Variants in DAPP1 observed in about 807,000 individuals in gnomAD.
DAPP1 encodes dual adaptor of phosphotyrosine and 3-phosphoinositides 1, also known as dual adapter for phosphotyrosine and 3-phosphotyrosine and 3-phosphoinositide.
Under a neutral mutation model 41.5 loss-of-function variants are expected in DAPP1, and 20 were observed. The ratio of observed to expected loss-of-function variants is 0.48; its 90% confidence interval spans 0.34 to 0.70. The LOEUF (loss-of-function observed/expected upper bound fraction) is 0.70, where lower values mean the gene tolerates loss of function less well. Among genes scored for constraint, DAPP1 ranks in the 30% least tolerant of loss-of-function variants. The pLI is 0.01. For missense variants in DAPP1, 233 were observed against 333.4 expected, an observed-to-expected ratio of 0.70 and a Z score of 2.35; for synonymous variants, 113 against 116.2, an observed-to-expected ratio of 0.97 and a Z score of 0.18.
intron 3 of DAPP1, among the ~76,000 whole-genome samples, chr4:99,847,354 T>C (rs529317733): frequency 1.2e-4 from 18 of 152,214 alleles, no homozygotes; most frequent in Non-Finnish European, 2.2e-4. Context: ...GAATACAAGA[T>C]AAAGGGTCCT....
chr4:99,857,721 C>T (rs1261281688), intron 4 of DAPP1, among the ~76,000 whole-genome samples: 2 of 150,322 alleles, frequency 1.3e-5, no homozygotes, highest in Non-Finnish European at 3.0e-5. Flanking sequence ...CACACACACA[C>T]ACACACACAC....
chr4:99,826,649 C>T (rs558833919), intron 1 of DAPP1, among the ~76,000 whole-genome samples: 19 of 152,326 alleles, frequency 1.2e-4, no homozygotes, highest in Admixed American at 6.5e-4. Flanking sequence ...AATTATTTTG[C>T]ACCACTTCCC....
At chr4:99,847,259 G>C (rs1291450380) in intron 3 of DAPP1, among the ~76,000 whole-genome samples, 2 of 152,100 alleles carry the variant, frequency 1.3e-5, no homozygotes, top group Admixed American at 1.3e-4. Context: ...GGAGTTTTGT[G>C]TACCCTGTGC....
At chr4:99,826,196 C>T (rs943470528) in intron 1 of DAPP1, among the ~76,000 whole-genome samples, 20 of 152,196 alleles carry the variant, frequency 1.3e-4, no homozygotes, top group Non-Finnish European at 2.5e-4. Context: ...CATCAATTAG[C>T]TGTGCCATGT....
rs756338842 is a variant in DAPP1 at position 99,844,091 on chromosome 4, C to A, written c.358+3669C>A. The A allele has an allele frequency of 7.7e-4, 118 of 152,298 alleles. 1 individual carries two copies. Among genetic ancestry groups the A allele is most frequent in the Non-Finnish European group, 1.0e-3 (68 of 68,038 alleles). The allele number at this position is 152,298 out of a possible 1,614,324, so 9.4% of individuals were successfully genotyped here. Reference sequence around the variant, plus strand: ...CCTTAGTTCAGCTAAAGATCGGGTCCCTCTCCATCCCACGGCCACAAAAAT... The same window carrying A: ...CCTTAGTTCAGCTAAAGATCGGGTCACTCTCCATCCCACGGCCACAAAAAT... On this transcript the variant is annotated intron_variant, in intron 3 of 8. Coordinates refer to ENST00000512369, the MANE Select transcript of DAPP1 (RefSeq NM_014395.3).
chr4:99,820,713 C>T (rs866290285), intron 1 of DAPP1, among the ~76,000 whole-genome samples: 3 of 152,136 alleles, frequency 2.0e-5, no homozygotes, highest in Admixed American at 1.3e-4. Context: ...ATGTTTTAGG[C>T]TTTGCAGGCC....
At chr4:99,855,706 G>T (rs1302754786) in intron 4 of DAPP1, among the ~76,000 whole-genome samples, 3 of 152,228 alleles carry the variant, frequency 2.0e-5, no homozygotes, top group African/African-American at 7.2e-5. Context: ...CAGTATAGCT[G>T]CTGGGGAAAG....
intron 4 of DAPP1, among the ~76,000 whole-genome samples, chr4:99,854,164 C>T (rs1175280587): frequency 6.6e-6 from 1 of 152,096 alleles, no homozygotes; most frequent in East Asian, 1.9e-4. Flanking sequence ...AATTTCAGTG[C>T]AATTGGAGCA....
At chr4:99,831,359 T>G (rs1723113540) in intron 1 of DAPP1, among the ~76,000 whole-genome samples, 1 of 152,218 alleles carries the variant, frequency 6.6e-6, no homozygotes, top group South Asian at 2.1e-4. Context: ...TGTAGGATGT[T>G]AAGCATCCCT....
At chr4:99,846,860 A>G (rs1723681502) in intron 3 of DAPP1, among the ~76,000 whole-genome samples, 1 of 152,220 alleles carries the variant, frequency 6.6e-6, no homozygotes, top group Non-Finnish European at 1.5e-5. Context: ...ACCCCTTCAC[A>G]TGTAAATGAA....
chr4:99,848,678 C>T (rs17612178), intron 3 of DAPP1, among the ~76,000 whole-genome samples: 5,564 of 152,290 alleles, frequency 0.037, 153 homozygotes, highest in Middle Eastern at 0.11. Flanking sequence ...CTTGATTCAT[C>T]TCTGATCGTC....
intron 3 of DAPP1, among the ~76,000 whole-genome samples, chr4:99,842,136 G>A (rs1723515426): frequency 6.6e-6 from 1 of 152,212 alleles, no homozygotes; most frequent in Non-Finnish European, 1.5e-5. Flanking sequence ...AAATAAAGAT[G>A]TTTTGATATT....
intron 3 of DAPP1, among the ~76,000 whole-genome samples, chr4:99,846,471 G>C (rs1338687202): frequency 1.3e-5 from 2 of 152,164 alleles, no homozygotes; most frequent in Admixed American, 1.3e-4. Flanking sequence ...AAGATTGAAT[G>C]AAATTAGGCA....
At chr4:99,842,749 TG>T (rs1229546637) in intron 3 of DAPP1, among the ~76,000 whole-genome samples, 1 of 152,230 alleles carries the variant, frequency 6.6e-6, no homozygotes, top group Non-Finnish European at 1.5e-5. Context: ...CTTTTCTTCT[TG>T]TTCATTTAAG....
At chr4:99,861,387 T>G (rs1490721854) in intron 4 of DAPP1, among the ~76,000 whole-genome samples, 191 bp from the exon 5 acceptor site, 17 of 152,210 alleles carry the variant, frequency 1.1e-4, no homozygotes, top group Non-Finnish European at 2.1e-4. Context: ...TACAGAATGA[T>G]GCCAGTAGAT....
At position 99,866,029 on chromosome 4, in the gene DAPP1, A is replaced by T; in HGVS notation, c.687-5A>T. The T allele has an allele frequency of 7.0e-7, 1 of 1,436,064 alleles. No homozygotes were observed. The allele number at this position is 1,436,064 out of a possible 1,614,324, so 89.0% of individuals were successfully genotyped here. On this transcript the variant is annotated splice_polypyrimidine_tract_variant and splice_region_variant and intron_variant, in intron 7 of 8. Coordinates refer to ENST00000512369, the MANE Select transcript of DAPP1 (RefSeq NM_014395.3). ...TATCTTATGTTCTTTCTTTTGTCCT[A>T]TTAGTTTGGTATTTCCATTCAGGAC...
chr4:99,825,181 G>A (rs3775501), intron 1 of DAPP1, among the ~76,000 whole-genome samples: 49,291 of 151,982 alleles, frequency 0.32, 8,505 homozygotes, highest in African/African-American at 0.44. Flanking sequence ...GTGAGCTGGC[G>A]AGTCTATCTT....
chr4:99,864,065 C>T (rs907760452), intron 7 of DAPP1: 18 of 414,548 alleles, frequency 4.3e-5, no homozygotes, highest in South Asian at 1.4e-4. Flanking sequence ...GCTTATGTTG[C>T]GTACTGGAGA....
At position 99,868,297 on chromosome 4, in the gene DAPP1, A is replaced by C. The variant is rs898580694; in HGVS notation, c.*112A>C. 5 of 998,624 alleles carry C rather than the reference A, an allele frequency of 5.0e-6. No homozygotes were observed. Among genetic ancestry groups the C allele is most frequent in the Non-Finnish European group, 7.7e-6 (5 of 652,198 alleles). The allele number at this position is 998,624 out of a possible 1,614,324, so 61.9% of individuals were successfully genotyped here. A position where few individuals can be genotyped will look rare whatever the true frequency, so the allele number is the denominator to read the frequency against. On this transcript the variant is annotated 3_prime_UTR_variant, in exon 9 of 9. Coordinates refer to ENST00000512369, the MANE Select transcript of DAPP1 (RefSeq NM_014395.3). ...ACCGACTAAGGATTTTCTTTCAAAA[A>C]CAAATCAGAAGCAGATGCTGATTGG...
Sources: allele counts gnomAD v4.1 joint callset (sites outside exome capture counted in the v4.1 genomes callset), GRCh38; gene constraint gnomAD v4.1.1; transcripts MANE v1.5; gene names NCBI Gene and HGNC (gene_info 2026-07-23, HGNC 2026-07-21).